The following CSTPP1 variants were observed in gnomAD, a reference collection of about 807,000 sequenced individuals.
The protein encoded by CSTPP1 is UPF0705 protein C11orf49.
chr11:47,105,493 T>G, the CSTPP1 span, among the ~76,000 whole-genome samples: 1 of 151,946 alleles, frequency 6.6e-6, no homozygotes, highest in African/African-American at 2.4e-5. Context: ...AGACAGAGAC[T>G]CTGTCTCTGA....
At chr11:46,978,204 A>G in the CSTPP1 span, among the ~76,000 whole-genome samples, 5 of 152,236 alleles carry the variant, frequency 3.3e-5, no homozygotes, top group African/African-American at 1.2e-4. Context: ...ACATCCAACA[A>G]AGAAGATAAC....
At chr11:46,970,059 A>G in the CSTPP1 span, among the ~76,000 whole-genome samples, 2 of 152,232 alleles carry the variant, frequency 1.3e-5, no homozygotes, top group East Asian at 3.8e-4. Context: ...TAGTTTATAT[A>G]TGTATACACA....
chr11:47,070,326 A>T, the CSTPP1 span, among the ~76,000 whole-genome samples: 1 of 152,058 alleles, frequency 6.6e-6, no homozygotes, highest in Non-Finnish European at 1.5e-5. Context: ...TAATGTTGAA[A>T]ATTTAATATT....
the CSTPP1 span, among the ~76,000 whole-genome samples, chr11:47,163,072 G>A: frequency 6.6e-6 from 1 of 151,352 alleles, no homozygotes; most frequent in African/African-American, 2.4e-5. Flanking sequence ...CTACTTGGGA[G>A]ACCCGAGGTA....
chr11:47,061,682 A>C, the CSTPP1 span, among the ~76,000 whole-genome samples: 8 of 152,246 alleles, frequency 5.3e-5, no homozygotes, highest in Admixed American at 2.6e-4. Flanking sequence ...CAGCCAGTGC[A>C]TCTCCTCTTC....
chr11:47,034,868 C>T, the CSTPP1 span, among the ~76,000 whole-genome samples: 1 of 152,164 alleles, frequency 6.6e-6, no homozygotes, highest in African/African-American at 2.4e-5. Context: ...TGCTACTTCC[C>T]CTGATATCCT....
chr11:46,973,834 G>A, the CSTPP1 span, among the ~76,000 whole-genome samples: 2 of 151,970 alleles, frequency 1.3e-5, no homozygotes, highest in African/African-American at 2.4e-5. Context: ...GTGTTGAAGA[G>A]GGTAATTTAT....
At chr11:47,103,670 CTTTTTTTTTTTTTT>C in the CSTPP1 span, 1 of 50,424 alleles carries the variant, frequency 2.0e-5, no homozygotes, top group Non-Finnish European at 3.9e-5. Flanking sequence ...ATAGAATGGC[CTTTTTTTTTTTTTT>C]TTTTTTTTTT....
the CSTPP1 span, among the ~76,000 whole-genome samples, chr11:46,945,344 G>A: frequency 6.6e-6 from 1 of 152,162 alleles, no homozygotes; most frequent in African/African-American, 2.4e-5. Context: ...GCCAGGTGCG[G>A]TGGCTCATGC....
At chr11:46,977,230 C>A in the CSTPP1 span, among the ~76,000 whole-genome samples, 1 of 152,150 alleles carries the variant, frequency 6.6e-6, no homozygotes, top group African/African-American at 2.4e-5. Context: ...GCTAGGGACT[C>A]CATTCCTCAA....
the CSTPP1 span, among the ~76,000 whole-genome samples, chr11:47,101,804 A>C: frequency 6.6e-6 from 1 of 152,108 alleles, no homozygotes; most frequent in Non-Finnish European, 1.5e-5. Context: ...AGCCTTTATA[A>C]ATTTTTCTTA....
chr11:47,017,540 A>G, the CSTPP1 span, among the ~76,000 whole-genome samples: 1 of 152,152 alleles, frequency 6.6e-6, no homozygotes, highest in South Asian at 2.1e-4. Flanking sequence ...ACTCCATACT[A>G]TCCCTTTATA....
chr11:47,067,906 A>G, the CSTPP1 span, among the ~76,000 whole-genome samples: 3 of 152,154 alleles, frequency 2.0e-5, no homozygotes, highest in African/African-American at 7.2e-5. Context: ...TGAAGTTGTG[A>G]GTATGGCCGT....
chr11:47,086,257 A>AAAAAAAAC, the CSTPP1 span, among the ~76,000 whole-genome samples: 1 of 147,986 alleles, frequency 6.8e-6, no homozygotes, highest in Non-Finnish European at 1.5e-5. Flanking sequence ...AAAAAAAAAA[A>AAAAAAAAC]TAGCTGGCTG....
At chr11:46,985,591 C>T in the CSTPP1 span, among the ~76,000 whole-genome samples, 3 of 152,190 alleles carry the variant, frequency 2.0e-5, no homozygotes, top group East Asian at 1.9e-4. Flanking sequence ...CTCTGTCATA[C>T]CTAAGGATAA....
the CSTPP1 span, among the ~76,000 whole-genome samples, chr11:47,050,015 C>T: frequency 6.6e-6 from 1 of 152,092 alleles, no homozygotes; most frequent in Non-Finnish European, 1.5e-5. Flanking sequence ...CATATAGTGA[C>T]TGTAAGGTTG....
chr11:47,122,151 A>G, the CSTPP1 span, among the ~76,000 whole-genome samples: 1 of 138,904 alleles, frequency 7.2e-6, no homozygotes, highest in Non-Finnish European at 1.5e-5. Context: ...GGATATTGTA[A>G]CTATTCAGTT....
chr11:46,994,953 A>C, the CSTPP1 span, among the ~76,000 whole-genome samples: 1 of 152,034 alleles, frequency 6.6e-6, no homozygotes. Context: ...TTAATTTCAG[A>C]GCCTGTTATT....
the CSTPP1 span, among the ~76,000 whole-genome samples, chr11:46,939,259 T>C: frequency 0.14 from 21,645 of 151,388 alleles, 5,173 homozygotes; most frequent in African/African-American, 0.5. Flanking sequence ...CCTGGCTAAT[T>C]TTGTATTTTT....
Sources: gnomAD v4.1 joint callset for allele counts (sites outside exome capture counted in the v4.1 genomes callset) on GRCh38, gnomAD v4.1.1 for gene constraint, MANE v1.5 for transcripts, NCBI Gene and HGNC (gene_info 2026-07-23, HGNC 2026-07-21) for gene names.